Variants in CAST observed in about 807,000 individuals in gnomAD.
The protein encoded by CAST is MIR583 host.
A neutral mutation model predicts 119.6 loss-of-function variants in CAST; 76 were observed. The ratio of observed to expected loss-of-function variants is 0.64; its 90% CI spans 0.53 to 0.77. The LOEUF is 0.77. Among genes scored for constraint, CAST ranks in the 30% least tolerant of loss-of-function variants. The pLI is 0.00. For missense variants in CAST, 953 were observed against 946.5 expected (o/e 1.01, Z -0.09); for synonymous variants, 319 against 331.6 (o/e 0.96, Z 0.41).
intron 25 of CAST, chr5:96,762,799 T>C (rs1446441846): frequency 4.0e-6 from 1 of 252,902 alleles, no homozygotes; most frequent in Non-Finnish European, 7.6e-6. Flanking sequence ...ATGTTTGAGC[T>C]TTTACAAACA....
upstream of CAST, among the ~76,000 whole-genome samples, chr5:96,524,805 TCTTA>T (rs912163131): frequency 1.4e-4 from 22 of 152,224 alleles, no homozygotes; most frequent in African/African-American, 5.1e-4. Flanking sequence ...TTAGGGAGAA[TCTTA>T]CTTTTCAAAC....
intron 1 of CAST, among the ~76,000 whole-genome samples, chr5:96,666,730 T>C (rs1486347876): frequency 6.6e-6 from 1 of 152,220 alleles, no homozygotes; most frequent in Admixed American, 6.5e-5. Context: ...TAGCATCTGA[T>C]AATATCTTTC....
At chr5:96,516,413 G>C in the CAST span, among the ~76,000 whole-genome samples, 1 of 152,056 alleles carries the variant, frequency 6.6e-6, no homozygotes, top group African/African-American at 2.4e-5. Context: ...TACATTTTTG[G>C]CATGTTGGTT....
the CAST span, among the ~76,000 whole-genome samples, chr5:96,061,212 C>T: frequency 6.6e-6 from 1 of 151,984 alleles, no homozygotes; most frequent in Non-Finnish European, 1.5e-5. Context: ...CTAGGACATG[C>T]CTTCTGTAGC....
At chr5:96,421,992 T>TA in the CAST span, 1 of 388,366 alleles carries the variant, frequency 2.6e-6, no homozygotes, top group East Asian at 5.1e-5. Flanking sequence ...TGTGGCAGCA[T>TA]TAAAAAAAAA....
the CAST span, among the ~76,000 whole-genome samples, chr5:96,459,229 C>T: frequency 2.6e-5 from 4 of 152,138 alleles, no homozygotes; most frequent in Admixed American, 1.3e-4. Context: ...CTTTCTAGGG[C>T]TGGTTAGGGT....
At chr5:96,435,513 C>G in the CAST span, among the ~76,000 whole-genome samples, 1 of 152,170 alleles carries the variant, frequency 6.6e-6, no homozygotes, top group African/African-American at 2.4e-5. Context: ...TCCATTTTAA[C>G]TTTTTGTTTC....
chr5:96,221,843 C>T, the CAST span, among the ~76,000 whole-genome samples: 2 of 152,068 alleles, frequency 1.3e-5, no homozygotes, highest in African/African-American at 4.8e-5. Flanking sequence ...TAACACACCA[C>T]CTGACTTCAA....
intron 1 of CAST, among the ~76,000 whole-genome samples, chr5:96,641,162 A>C (rs17086459): frequency 0.024 from 3,650 of 152,276 alleles, 169 homozygotes; most frequent in African/African-American, 0.084. Flanking sequence ...CCATGCTATT[A>C]ATACTACTGT....
the CAST span, among the ~76,000 whole-genome samples, chr5:96,276,463 T>A: frequency 2.6e-5 from 4 of 152,182 alleles, no homozygotes; most frequent in African/African-American, 9.7e-5. Context: ...TGAAGCAGGC[T>A]GGGGCAAAAT....
At chr5:96,435,003 G>A in the CAST span, among the ~76,000 whole-genome samples, 1 of 152,214 alleles carries the variant, frequency 6.6e-6, no homozygotes, top group Admixed American at 6.5e-5. Context: ...ATCCACATGT[G>A]TGAATGTTGA....
At chr5:96,706,710 C>T (rs1755049383) in intron 3 of CAST, among the ~76,000 whole-genome samples, 1 of 152,212 alleles carries the variant, frequency 6.6e-6, no homozygotes, top group Admixed American at 6.5e-5. Flanking sequence ...TTCTTAATCT[C>T]TTCTTCCCGT....
At chr5:96,118,409 C>T in the CAST span, among the ~76,000 whole-genome samples, 1 of 152,122 alleles carries the variant, frequency 6.6e-6, no homozygotes, top group Non-Finnish European at 1.5e-5. Context: ...GGAAATGATT[C>T]TACAGATACT....
the CAST span, among the ~76,000 whole-genome samples, chr5:96,066,114 CTG>C: frequency 4.6e-5 from 7 of 152,278 alleles, no homozygotes; most frequent in Admixed American, 1.3e-4. Flanking sequence ...AAAAACTGTT[CTG>C]TGAGTTTCAA....
chr5:96,078,714 A>G, the CAST span, among the ~76,000 whole-genome samples: 1 of 152,200 alleles, frequency 6.6e-6, no homozygotes, highest in Non-Finnish European at 1.5e-5. Context: ...ATCAATCACT[A>G]AGCATAATTT....
At chr5:96,100,872 T>C in the CAST span, among the ~76,000 whole-genome samples, 2 of 152,160 alleles carry the variant, frequency 1.3e-5, no homozygotes, top group African/African-American at 4.8e-5. Flanking sequence ...ATACTATATA[T>C]ATTATGTACA....
the CAST span, among the ~76,000 whole-genome samples, chr5:95,976,394 G>GAC: frequency 6.6e-6 from 1 of 151,980 alleles, no homozygotes; most frequent in Admixed American, 6.6e-5. Flanking sequence ...TTCATATTCA[G>GAC]ACAAAGTTCT....
At chr5:96,444,258 G>C in the CAST span, among the ~76,000 whole-genome samples, 34 of 152,258 alleles carry the variant, frequency 2.2e-4, no homozygotes, top group African/African-American at 6.7e-4. Flanking sequence ...ATCATGACTT[G>C]CTAATAAGCC....
chr5:96,123,753 C>T, the CAST span, among the ~76,000 whole-genome samples: 2 of 152,128 alleles, frequency 1.3e-5, no homozygotes, highest in African/African-American at 4.8e-5. Flanking sequence ...ACTAATGCAC[C>T]TATGGTTCAA....
Sources: allele counts gnomAD v4.1 joint callset (sites outside exome capture counted in the v4.1 genomes callset), GRCh38; gene constraint gnomAD v4.1.1; transcripts MANE v1.5; gene names NCBI Gene and HGNC (gene_info 2026-07-23, HGNC 2026-07-21).